PTPRG: variants seen among roughly 807,000 people sequenced by gnomAD.
The protein encoded by PTPRG is receptor-type tyrosine-protein phosphatase gamma.
Under a neutral mutation model 165.3 loss-of-function variants are expected in PTPRG, and 102 were observed. The observed-to-expected ratio is 0.62, with a 90% CI of 0.53 to 0.73. PTPRG has a LOEUF of 0.73. Among genes scored for constraint, PTPRG ranks in the 30% least tolerant of loss-of-function variants. The pLI is 0.00. For missense variants in PTPRG, 1,866 were observed against 1,861.4 expected (o/e 1.00, Z -0.05); for synonymous variants, 675 against 669.5 (o/e 1.01, Z -0.13).
intron 16 of PTPRG, among the ~76,000 whole-genome samples, chr3:62,257,498 T>G (rs1330171969): frequency 6.6e-6 from 1 of 152,148 alleles, no homozygotes; most frequent in African/African-American, 2.4e-5. Context: ...TTTCCTGAGG[T>G]AGGTGTATCT....
At chr3:62,030,096 T>C (rs1699714222) in intron 4 of PTPRG, among the ~76,000 whole-genome samples, 1 of 152,234 alleles carries the variant, frequency 6.6e-6, no homozygotes, top group African/African-American at 2.4e-5. Context: ...TGCATGAGGC[T>C]TTTAGTGAAA....
At chr3:61,989,901 G>A in intron 3 of PTPRG, 97 bp downstream of exon 3, 1 of 1,348,798 alleles carries the variant, frequency 7.4e-7, no homozygotes. Flanking sequence ...CTTAAATAGT[G>A]CACATTGCTG....
chr3:61,621,051 A>ATATATATATATATATATATGTGTGTG, intron 1 of PTPRG, among the ~76,000 whole-genome samples: 10 of 117,980 alleles, frequency 8.5e-5, no homozygotes, highest in Non-Finnish European at 1.3e-4. Context: ...ATATATATAT[A>ATATATATATATATATATATGTGTGTG]TGTGTGTGTG....
intron 2 of PTPRG, among the ~76,000 whole-genome samples, chr3:61,939,637 A>G (rs1388118646): frequency 6.6e-6 from 1 of 152,208 alleles, no homozygotes; most frequent in Non-Finnish European, 1.5e-5. Flanking sequence ...AAATGGTTTG[A>G]GAGTTATATT....
intron 28 of PTPRG, among the ~76,000 whole-genome samples, chr3:62,284,634 G>A (rs1226191401): frequency 1.3e-5 from 2 of 152,014 alleles, no homozygotes; most frequent in Non-Finnish European, 2.9e-5. Context: ...CCTACTTTCT[G>A]TACCTCTAAA....
Position 61,668,259 on chromosome 3 carries a change from TGC to T in PTPRG, c.86-80618_86-80617del, listed in dbSNP as rs1303465452. On this transcript the variant is annotated intron_variant, in intron 1 of 29. Transcript: ENST00000474889. ...ATACATTGAAGGTCCAAGTATTTGG[TGC>T]CATTCTCCAGTGTTATGATGAATGT... is the stretch of plus-strand genomic sequence containing the variant. 1.6e-4 allele frequency among the ~76,000 whole-genome samples: 24 copies of T among 152,176 alleles called. 1 individual carries two copies. The highest frequency in any genetic ancestry group is 1.5e-3 in the Admixed American group (23 of 15,276).
At position 62,219,327 on chromosome 3, in the gene PTPRG, C is replaced by T. The variant is rs906106695; in HGVS notation, c.2288+344C>T. The stretch of plus-strand genomic sequence containing the variant: ...TTTCAGAACCAGCAAAATGAGTTAA[C>T]AAGTCATAGCATTTGCAGTTTTTCT... On this transcript the variant is annotated intron_variant, in intron 13 of 29. Coordinates refer to ENST00000474889, the MANE Select transcript of PTPRG (RefSeq NM_002841.4). This position sits in a 1 kb window ranked among gnomAD's most constrained non-coding sequence, Gnocchi z 4.5. Among the ~76,000 whole-genome samples, 1 of 152,212 alleles carries T rather than the reference C, an allele frequency of 6.6e-6. No individual in the cohort carries two copies. The highest frequency in any genetic ancestry group is 2.4e-5 in the African/African-American group (1 of 41,454).
At chr3:61,748,559 G>T (rs1023300044) in intron 1 of PTPRG, among the ~76,000 whole-genome samples, 2 of 152,030 alleles carry the variant, frequency 1.3e-5, no homozygotes, top group African/African-American at 4.8e-5. Flanking sequence ...TCCATAAAAG[G>T]GCCCCATTAT....
At chr3:61,594,006 G>A (rs1312867068) in intron 1 of PTPRG, among the ~76,000 whole-genome samples, 1 of 152,144 alleles carries the variant, frequency 6.6e-6, no homozygotes, top group African/African-American at 2.4e-5. Context: ...ACGCATCTCA[G>A]GATGTTCACT....
In PTPRG at chr3:61,780,279, A is replaced by G. The variant is rs2034506611; in HGVS notation, c.190+31297A>G. ...TTTGTTTTGTTGTTTCATGGGAGGG[A>G]TCACTTTTTGAAGCTGGAAAATACC... On this transcript the variant is annotated intron_variant, in intron 2 of 29. Transcript: ENST00000474889. Among the ~76,000 whole-genome samples the G allele has an allele frequency of 2.0e-5, 3 of 152,268 alleles. No individual in the cohort carries two copies. In the East Asian group the frequency reaches 5.8e-4, roughly 29 times the overall value.
At chr3:62,006,834 G>T (rs753613493) in intron 4 of PTPRG, among the ~76,000 whole-genome samples, 1 of 152,162 alleles carries the variant, frequency 6.6e-6, no homozygotes, top group African/African-American at 2.4e-5. Flanking sequence ...CCCACTAAAA[G>T]GAATCATCCA....
intron 1 of PTPRG, among the ~76,000 whole-genome samples, chr3:61,649,340 T>A (rs1559539858): frequency 6.6e-6 from 1 of 152,148 alleles, no homozygotes; most frequent in Admixed American, 6.6e-5. Flanking sequence ...ATAAACAATA[T>A]AAATTTATTT....
At chr3:62,168,547 G>A (rs371149395) in intron 8 of PTPRG, among the ~76,000 whole-genome samples, 8 of 152,246 alleles carry the variant, frequency 5.3e-5, no homozygotes, top group East Asian at 3.9e-4. Context: ...CCCACTCCCC[G>A]CTTTGAAGGA....
intron 2 of PTPRG, among the ~76,000 whole-genome samples, chr3:61,810,488 G>A (rs1224912731): frequency 5.3e-5 from 8 of 152,130 alleles, no homozygotes; most frequent in African/African-American, 7.2e-5. Flanking sequence ...TATAAGCAAC[G>A]ACAGTGCGAA....
Position 61,742,974 on chromosome 3 carries a change from C to T in PTPRG, c.86-5904C>T, listed in dbSNP as rs140098604. ...TGACGGTGCCCGAGAAGCACTTGTC[C>T]TTCTGGGGGTCATAGTTCTTCAAGC... On this transcript the variant is annotated intron_variant, in intron 1 of 29. Transcript: ENST00000474889. 2.5e-3 allele frequency: 3,830 copies of T among 1,512,068 alleles called. 31 individuals are homozygous for T. Among genetic ancestry groups the T allele is most frequent in the African/African-American group, 0.017 (1,218 of 72,888 alleles). 93.7% of individuals were successfully genotyped at this position (1,512,068 alleles called of 1,614,324 possible).
intron 4 of PTPRG, among the ~76,000 whole-genome samples, chr3:62,051,889 A>G (rs1700479734): frequency 6.6e-6 from 1 of 152,208 alleles, no homozygotes; most frequent in South Asian, 2.1e-4. Flanking sequence ...TGCTTTCAAC[A>G]TATTGCAATC....
At chr3:62,129,029 C>T (rs926770002) in intron 5 of PTPRG, among the ~76,000 whole-genome samples, 2 of 152,108 alleles carry the variant, frequency 1.3e-5, no homozygotes, top group African/African-American at 4.8e-5. Flanking sequence ...TCTCCATTTT[C>T]TCTCCTTTTC....
At chr3:61,771,858 G>C (rs530094158) in intron 2 of PTPRG, among the ~76,000 whole-genome samples, 1 of 151,722 alleles carries the variant, frequency 6.6e-6, no homozygotes, top group Non-Finnish European at 1.5e-5. Context: ...TCAGGATTTC[G>C]AGACCAGCCT....
intron 4 of PTPRG, among the ~76,000 whole-genome samples, chr3:62,016,638 T>G (rs961281635): frequency 2.0e-5 from 3 of 152,224 alleles, no homozygotes; most frequent in Non-Finnish European, 4.4e-5. Flanking sequence ...CCCTTCACAA[T>G]CCACTCTTTA....
Sources: gnomAD v4.1 joint callset for allele counts (sites outside exome capture counted in the v4.1 genomes callset) on GRCh38, gnomAD v4.1.1 for gene constraint, Gnocchi (gnomAD v3.1) non-coding constraint, MANE v1.5 for transcripts, NCBI Gene and HGNC (gene_info 2026-07-23, HGNC 2026-07-21) for gene names.